Variants in PTPRD observed in about 807,000 individuals in gnomAD.
PTPRD encodes protein tyrosine phosphatase receptor type D.
A neutral mutation model predicts 214.5 loss-of-function variants in PTPRD; 34 were observed. That is an observed-to-expected ratio of 0.16 (90% confidence interval 0.12 to 0.21). PTPRD has a LOEUF of 0.21. Among genes scored for constraint, PTPRD ranks in the 10% least tolerant of loss-of-function variants. The pLI, the probability that PTPRD is intolerant of heterozygous loss-of-function variation, is 1.00. For synonymous variants in PTPRD, 1,128 were observed against 845.7 expected, an observed-to-expected ratio of 1.33 and a Z score of -5.79; for missense variants, 2,545 against 2,398.7, an observed-to-expected ratio of 1.06 and a Z score of -1.27.
chr9:9,429,243 C>G (rs1412838306), intron 8 of PTPRD, among the ~76,000 whole-genome samples: 1 of 152,176 alleles, frequency 6.6e-6, no homozygotes, highest in Non-Finnish European at 1.5e-5. Context: ...CGTAGAGATA[C>G]AAACTACCAT....
chr9:9,667,850 C>G (rs548756758), intron 7 of PTPRD, among the ~76,000 whole-genome samples: 1 of 152,252 alleles, frequency 6.6e-6, no homozygotes, highest in Non-Finnish European at 1.5e-5. Context: ...GTCAAGCATC[C>G]TTGGTGACCT....
chr9:9,038,712 G>A (rs538069225), intron 10 of PTPRD, among the ~76,000 whole-genome samples: 6 of 151,806 alleles, frequency 4.0e-5, no homozygotes, highest in East Asian at 1.9e-4. Flanking sequence ...CTACCACCAC[G>A]CCCAGCTAAT....
intron 3 of PTPRD, among the ~76,000 whole-genome samples, chr9:10,163,007 C>A (rs769460604): frequency 1.3e-5 from 2 of 150,542 alleles, no homozygotes; most frequent in Non-Finnish European, 3.0e-5. Context: ...TACTACCTAT[C>A]TAAATGTCTA....
intron 11 of PTPRD, among the ~76,000 whole-genome samples, chr9:8,878,731 C>T: frequency 6.6e-6 from 1 of 152,112 alleles, no homozygotes; most frequent in East Asian, 1.9e-4. Flanking sequence ...GAGACGAGGT[C>T]TTGCCCTGCT....
intron 11 of PTPRD, among the ~76,000 whole-genome samples, chr9:8,981,424 G>A (rs956820211): frequency 6.6e-6 from 1 of 151,864 alleles, no homozygotes; most frequent in Non-Finnish European, 1.5e-5. Flanking sequence ...AGTAGGTATC[G>A]TTTAGTAAAG....
At chr9:8,527,376 A>G (rs1457388315) in intron 15 of PTPRD, 23 bp from the exon 16 acceptor site, 1 of 1,604,140 alleles carries the variant, frequency 6.2e-7, no homozygotes, top group Non-Finnish European at 8.5e-7. Flanking sequence ...ATACGGAGAG[A>G]AGAAAGACAG....
At chr9:9,718,560 A>G (rs771469218) in intron 7 of PTPRD, among the ~76,000 whole-genome samples, 10 of 152,192 alleles carry the variant, frequency 6.6e-5, no homozygotes, top group African/African-American at 9.6e-5. Flanking sequence ...CTGTGCTCTC[A>G]GAGACCCAGG....
intron 11 of PTPRD, among the ~76,000 whole-genome samples, chr9:8,887,530 C>T (rs1457302439): frequency 2.6e-5 from 4 of 152,124 alleles, no homozygotes; most frequent in East Asian, 1.9e-4. Context: ...TACTTACTGG[C>T]CTGGTCTGTT....
At chr9:10,103,916 C>A (rs1203850016) in intron 3 of PTPRD, among the ~76,000 whole-genome samples, 1 of 151,538 alleles carries the variant, frequency 6.6e-6, no homozygotes, top group Non-Finnish European at 1.5e-5. Flanking sequence ...AAGTGTCTAT[C>A]GATGGATGAA....
At chr9:10,186,510 A>G (rs2099330806) in intron 3 of PTPRD, among the ~76,000 whole-genome samples, 1 of 152,160 alleles carries the variant, frequency 6.6e-6, no homozygotes, top group African/African-American at 2.4e-5. Context: ...AACACAATGC[A>G]TTTATCATCT....
intron 3 of PTPRD, among the ~76,000 whole-genome samples, chr9:10,127,032 C>T (rs2098825413): frequency 6.7e-6 from 1 of 149,228 alleles, no homozygotes; most frequent in Non-Finnish European, 1.5e-5. Context: ...GTGGCCTCTT[C>T]AGGGAAAGCA....
chr9:9,276,197 T>C (rs973630587), intron 9 of PTPRD, among the ~76,000 whole-genome samples: 2 of 151,334 alleles, frequency 1.3e-5, no homozygotes, highest in African/African-American at 2.4e-5. Flanking sequence ...ATTTTTTGAA[T>C]CTGATGAAGA....
intron 6 of PTPRD, among the ~76,000 whole-genome samples, chr9:9,746,454 C>T (rs1334105869): frequency 6.6e-6 from 1 of 152,148 alleles, no homozygotes; most frequent in Non-Finnish European, 1.5e-5. Context: ...GGAACCACCT[C>T]TTCAGTACTT....
chr9:9,592,922 G>C (rs1222676498), intron 7 of PTPRD, among the ~76,000 whole-genome samples: 3 of 151,992 alleles, frequency 2.0e-5, no homozygotes, highest in African/African-American at 4.8e-5. Flanking sequence ...GTACACACCT[G>C]TAGTCCCAGC....
chr9:9,528,023 T>C (rs955307689), intron 8 of PTPRD, among the ~76,000 whole-genome samples: 3 of 152,182 alleles, frequency 2.0e-5, no homozygotes, highest in Non-Finnish European at 2.9e-5. Flanking sequence ...TACCAAATAA[T>C]TGCCTATAGG....
At chr9:10,292,370 G>C (rs1359699248) in intron 3 of PTPRD, among the ~76,000 whole-genome samples, 1 of 151,904 alleles carries the variant, frequency 6.6e-6, no homozygotes, top group Non-Finnish European at 1.5e-5. Context: ...TGTTCTTCCT[G>C]ACATCACCCT....
chr9:10,574,317 C>T (rs917268882), intron 2 of PTPRD, among the ~76,000 whole-genome samples: 1 of 151,894 alleles, frequency 6.6e-6, no homozygotes, highest in Non-Finnish European at 1.5e-5. Flanking sequence ...GAGATTCTAT[C>T]CAGGTTGTCA....
chr9:10,485,912 G>C (rs2099129497), intron 2 of PTPRD, among the ~76,000 whole-genome samples: 1 of 151,926 alleles, frequency 6.6e-6, no homozygotes, highest in African/African-American at 2.4e-5. Flanking sequence ...AATTTCTGTG[G>C]TATCAGTTGC....
At chr9:9,184,700 G>C (rs986951187) in intron 9 of PTPRD, among the ~76,000 whole-genome samples, 3 of 151,976 alleles carry the variant, frequency 2.0e-5, no homozygotes, top group Non-Finnish European at 4.4e-5. Context: ...GTAAACTATG[G>C]TACCCCGTGG....
Sources: allele counts gnomAD v4.1 joint callset (sites outside exome capture counted in the v4.1 genomes callset), GRCh38; gene constraint gnomAD v4.1.1; transcripts MANE v1.5; gene names NCBI Gene and HGNC (gene_info 2026-07-23, HGNC 2026-07-21).